Variants in SIL1 observed in about 807,000 individuals in gnomAD.
The protein encoded by SIL1 is SIL1 nucleotide exchange factor.
Under a neutral mutation model 49.1 loss-of-function variants are expected in SIL1, and 40 were observed. The ratio of observed to expected loss-of-function variants is 0.81; its 90% CI spans 0.63 to 1.06. The LOEUF (loss-of-function observed/expected upper bound fraction) is 1.06, where lower values mean the gene tolerates loss of function less well. Among genes scored for constraint, SIL1 ranks in the 50% least tolerant of loss-of-function variants. The pLI is 0.00. For missense variants in SIL1, 500 were observed against 572.6 expected, an observed-to-expected ratio of 0.87 and a Z score of 1.29; for synonymous variants, 253 against 250.8, an observed-to-expected ratio of 1.01 and a Z score of -0.08.
intron 1 of SIL1, among the ~76,000 whole-genome samples, chr5:139,159,965 C>A (rs1751477796): frequency 6.6e-6 from 1 of 152,152 alleles, no homozygotes; most frequent in South Asian, 2.1e-4. Context: ...CTTTTAAAGG[C>A]AGCCTCATTA....
At chr5:139,110,557 T>G (rs1382009233) in intron 3 of SIL1, among the ~76,000 whole-genome samples, 1 of 152,204 alleles carries the variant, frequency 6.6e-6, no homozygotes, top group Non-Finnish European at 1.5e-5. Context: ...AACCAACAAC[T>G]TATGAGTTTA....
chr5:138,983,912 C>G (rs963647647), intron 7 of SIL1, among the ~76,000 whole-genome samples: 1 of 152,174 alleles, frequency 6.6e-6, no homozygotes, highest in Non-Finnish European at 1.5e-5. Context: ...GCCCACAGCT[C>G]TGGGCATCAG....
intron 1 of SIL1, among the ~76,000 whole-genome samples, chr5:139,146,746 T>C (rs556108580): frequency 1.1e-4 from 16 of 152,330 alleles, no homozygotes; most frequent in African/African-American, 3.1e-4. Flanking sequence ...TCTAAGATGA[T>C]CATATAGTTT....
intron 3 of SIL1, among the ~76,000 whole-genome samples, chr5:139,061,617 T>C (rs1769590661): frequency 6.6e-6 from 1 of 152,196 alleles, no homozygotes; most frequent in African/African-American, 2.4e-5. Flanking sequence ...TTTTCCCTAA[T>C]GTGCTACATT....
chr5:138,982,692 C>T lies in SIL1; in HGVS notation c.768-30808G>A, dbSNP rs143660708. On this transcript the variant is annotated intron_variant, in intron 7 of 9. Coordinates refer to ENST00000394817, the MANE Select transcript of SIL1 (RefSeq NM_022464.5). ...GGGATGCCGGTGCTCCTGGTCTCTG[C>T]GGCCCTCTGCATCCCTGGATGGCAT... Among the ~76,000 whole-genome samples, 183 of 152,316 alleles carry T rather than the reference C, an allele frequency of 1.2e-3. 1 individual carries two copies. Among genetic ancestry groups the T allele is most frequent in the Non-Finnish European group, 2.2e-3 (148 of 68,016 alleles).
chr5:138,960,839 A>T (rs577570145), intron 7 of SIL1, among the ~76,000 whole-genome samples: 14 of 152,320 alleles, frequency 9.2e-5, no homozygotes, highest in African/African-American at 2.9e-4. Context: ...TGAAACGCAG[A>T]CTTCCTCTGT....
At chr5:139,029,376 C>A (rs1019350109) in intron 5 of SIL1, among the ~76,000 whole-genome samples, 7 of 152,176 alleles carry the variant, frequency 4.6e-5, no homozygotes, top group African/African-American at 1.4e-4. Context: ...TGGCAAAAAA[C>A]TTCACATTAC....
chr5:138,990,007 A>C (rs941612437), intron 7 of SIL1, among the ~76,000 whole-genome samples: 1 of 152,158 alleles, frequency 6.6e-6, no homozygotes, highest in Non-Finnish European at 1.5e-5. Flanking sequence ...TCTTTGGGAA[A>C]GGCATGCGTG....
intron 3 of SIL1, among the ~76,000 whole-genome samples, chr5:139,056,918 C>T (rs1769459446): frequency 6.6e-6 from 1 of 151,908 alleles, no homozygotes; most frequent in South Asian, 2.1e-4. Flanking sequence ...GGATGGTTGC[C>T]GTGTCTGTGT....
Position 138,947,285 on chromosome 5 carries a change from G to A in SIL1, c.1218C>T (p.Thr406=). The change falls in exon 10 of 10, where the codon ACC becomes ACT. Residue 406 remains threonine, a synonymous_variant. Coordinates refer to ENST00000394817, the MANE Select transcript of SIL1 (RefSeq NM_022464.5). The surrounding 1 kb of genome is among the most constrained non-coding windows in gnomAD (Gnocchi z 4.1). ...KVLQTLGVLL[T]TCRDRYRQDP... ...CCTGACGGTAGCGGTCCCGGCAGGT[G>A]GTCAGGAGGACGCCCAGTGTCTGCA... 1 of 1,613,512 alleles carries A rather than the reference G, an allele frequency of 6.2e-7. No homozygotes were observed. The highest frequency in any genetic ancestry group is 8.5e-7 in the Non-Finnish European group (1 of 1,180,022).
At chr5:138,989,585 T>C (rs528276152) in intron 7 of SIL1, among the ~76,000 whole-genome samples, 1 of 151,490 alleles carries the variant, frequency 6.6e-6, no homozygotes, top group Admixed American at 6.6e-5. Context: ...AGGAGAGAGA[T>C]ACGGAAGGAG....
intron 3 of SIL1, among the ~76,000 whole-genome samples, chr5:139,075,773 C>T (rs906280794): frequency 2.6e-5 from 4 of 152,174 alleles, no homozygotes; most frequent in Admixed American, 1.3e-4. Flanking sequence ...TAAAATATTT[C>T]ACAATCTCCT....
intron 7 of SIL1, among the ~76,000 whole-genome samples, chr5:138,957,502 T>G (rs1184030997): frequency 6.6e-6 from 1 of 151,804 alleles, no homozygotes; most frequent in Non-Finnish European, 1.5e-5. Flanking sequence ...GAGGATCACT[T>G]GAGCCCAGGA....
At chr5:139,176,637 T>C (rs1751889128) in intron 1 of SIL1, among the ~76,000 whole-genome samples, 1 of 152,196 alleles carries the variant, frequency 6.6e-6, no homozygotes, top group Non-Finnish European at 1.5e-5. Flanking sequence ...CTCTGCTTCA[T>C]AGATGGCACC....
At chr5:139,078,483 T>G (rs1428259693) in intron 3 of SIL1, among the ~76,000 whole-genome samples, 1 of 152,174 alleles carries the variant, frequency 6.6e-6, no homozygotes, top group Non-Finnish European at 1.5e-5. Flanking sequence ...TCTCAGCTGA[T>G]CCTTTAGGTT....
At chr5:139,134,495 C>T (rs6882705) in intron 1 of SIL1, among the ~76,000 whole-genome samples, 4,147 of 152,204 alleles carry the variant, frequency 0.027, 176 homozygotes, top group African/African-American at 0.094. Context: ...CCATCAGAGC[C>T]AGGCCAGGCA....
intron 3 of SIL1, among the ~76,000 whole-genome samples, chr5:139,102,406 T>G (rs1410713894): frequency 1.3e-5 from 2 of 152,044 alleles, no homozygotes; most frequent in African/African-American, 4.8e-5. Context: ...ATTTTGTTGT[T>G]GTTGTTGTTG....
At chr5:139,125,352 C>A (rs1021665665) in intron 2 of SIL1, among the ~76,000 whole-genome samples, 2 of 152,216 alleles carry the variant, frequency 1.3e-5, no homozygotes, top group Admixed American at 1.3e-4. Context: ...TAGCTGACAA[C>A]AGCTTACCAT....
chr5:139,171,722 TA>T (rs1391989130), intron 1 of SIL1, among the ~76,000 whole-genome samples: 1 of 127,796 alleles, frequency 7.8e-6, no homozygotes, highest in Admixed American at 7.7e-5. Flanking sequence ...AGAAAAAAAA[TA>T]AAAAAGAAAA....
Sources: allele counts gnomAD v4.1 joint callset (sites outside exome capture counted in the v4.1 genomes callset), GRCh38; gene constraint gnomAD v4.1.1; non-coding constraint Gnocchi (gnomAD v3.1); transcripts MANE v1.5; gene names NCBI Gene and HGNC (gene_info 2026-07-23, HGNC 2026-07-21).